The following PRDM16 variants were observed in gnomAD, a reference collection of about 807,000 sequenced individuals.
The protein encoded by PRDM16 is PR/SET domain 16.
A neutral mutation model predicts 110.6 loss-of-function variants in PRDM16; 23 were observed. The ratio of observed to expected loss-of-function variants is 0.21; its 90% CI spans 0.15 to 0.29. The LOEUF (loss-of-function observed/expected upper bound fraction) is 0.29. Among genes scored for constraint, PRDM16 ranks in the 10% least tolerant of loss-of-function variants. The probability of loss-of-function intolerance (pLI) is 1.00; values close to 1 mark genes in which losing one functional copy is unlikely to be tolerated. For missense variants in PRDM16, 1,615 were observed against 1,794.3 expected, an observed-to-expected ratio of 0.90 and a Z score of 1.81; for synonymous variants, 799 against 781.8, an observed-to-expected ratio of 1.02 and a Z score of -0.37.
chr1:3,352,354 G>A (rs1642511549), intron 3 of PRDM16, among the ~76,000 whole-genome samples: 1 of 152,160 alleles, frequency 6.6e-6, no homozygotes, highest in African/African-American at 2.4e-5. Context: ...GCTGGCTGCA[G>A]CTTTTAATTG....
intron 3 of PRDM16, among the ~76,000 whole-genome samples, chr1:3,364,814 G>A (rs1642781095): frequency 1.3e-5 from 2 of 152,214 alleles, no homozygotes; most frequent in South Asian, 2.1e-4. Flanking sequence ...CAGGTGCCCC[G>A]AGCAGGACAC....
At position 3,120,539 on chromosome 1, in the gene PRDM16, G is replaced by A. The variant is rs895854234; in HGVS notation, c.37+51243G>A. ...CCCCAGAGTGTCTGCCACCATCCCCGCAAAGCTGGAGAAAGAGAAACCCAG... is the reference window on the plus strand; with the variant it reads ...CCCCAGAGTGTCTGCCACCATCCCCACAAAGCTGGAGAAAGAGAAACCCAG... On this transcript the variant is annotated intron_variant, in intron 1 of 16. Transcript: ENST00000270722. 8.5e-5 allele frequency among the ~76,000 whole-genome samples: 13 copies of A among 152,244 alleles called. No individual in the cohort carries two copies. In the South Asian group the frequency reaches 2.5e-3, roughly 29 times the overall value.
chr1:3,256,459 G>A (rs529104404), intron 3 of PRDM16, among the ~76,000 whole-genome samples: 44 of 152,322 alleles, frequency 2.9e-4, no homozygotes, highest in Admixed American at 1.8e-3. Flanking sequence ...TCACACCAAC[G>A]TAGGTGTTCA....
At position 3,218,522 on chromosome 1, in the gene PRDM16, A is replaced by G. The variant is rs55983431; in HGVS notation, c.388-25565A>G. Among the ~76,000 whole-genome samples, 913 of 152,338 alleles carry G rather than the reference A, an allele frequency of 6.0e-3. 10 individuals are homozygous for G. Among genetic ancestry groups the G allele is most frequent in the African/African-American group, 0.021 (866 of 41,586 alleles). ...CGTGCACACAGATGTGCCCGCCCGC[A>G]CAGGTGGGCATCGGTGGGGCCTGTC... On this transcript the variant is annotated intron_variant, in intron 2 of 16. Coordinates refer to ENST00000270722, the MANE Select transcript of PRDM16 (RefSeq NM_022114.4).
chr1:3,404,734 C>T lies in PRDM16; in HGVS notation c.885-5C>T, dbSNP rs374596243. 33 of 1,613,086 alleles carry T rather than the reference C, an allele frequency of 2.0e-5. No individual in the cohort carries two copies. The African/African-American group carries it at 2.1e-4, about 10-fold the overall frequency. On this transcript the variant is annotated splice_region_variant and splice_polypyrimidine_tract_variant and intron_variant, in intron 6 of 16. Transcript: ENST00000270722. ...GCCCCGCAGTGAGCCTCGTCCTCTG[C>T]GCAGCCTGGAGCAGCACATGGTCAT...
At chr1:3,251,488 C>T (rs965707818) in intron 3 of PRDM16, among the ~76,000 whole-genome samples, 2 of 152,148 alleles carry the variant, frequency 1.3e-5, no homozygotes, top group Non-Finnish European at 2.9e-5. Context: ...GGGAACCCAG[C>T]GACCAGGGTA....
intron 4 of PRDM16, among the ~76,000 whole-genome samples, chr1:3,389,356 G>C (rs1045768351): frequency 1.3e-5 from 2 of 152,214 alleles, no homozygotes; most frequent in African/African-American, 4.8e-5. Context: ...CCAGCATCCT[G>C]TTCCTTCCCC....
intron 3 of PRDM16, chr1:3,307,004 C>A (rs1413066290): frequency 6.6e-6 from 1 of 152,248 alleles, no homozygotes; most frequent in Non-Finnish European, 1.5e-5. Flanking sequence ...TGGCCTGTGC[C>A]GCTACCTCAC....
At chr1:3,414,707 C>T (rs572685183) in intron 10 of PRDM16, 60 bp downstream of exon 10, 22 of 1,367,674 alleles carry the variant, frequency 1.6e-5, no homozygotes, top group Admixed American at 9.2e-5. Context: ...CCCCATCTCC[C>T]GGCTGTCGAG....
chr1:3,320,941 C>T (rs1570064602), intron 3 of PRDM16, among the ~76,000 whole-genome samples: 1 of 152,218 alleles, frequency 6.6e-6, no homozygotes, highest in East Asian at 1.9e-4. Flanking sequence ...TGATCCAGCC[C>T]CCAGCCAGGC....
chr1:3,073,119 C>T lies in PRDM16; in HGVS notation c.37+3823C>T, dbSNP rs893570623. On this transcript the variant is annotated intron_variant, in intron 1 of 16. Transcript: ENST00000270722. ...GCCCCTCCTGGCCCCGAGGCTTCCT[C>T]GGCTCCCAAGTCCTCCTGTAGGCAG... Among the ~76,000 whole-genome samples the T allele has an allele frequency of 2.0e-5, 3 of 152,208 alleles. No homozygotes were observed. In the East Asian group the frequency reaches 5.8e-4, roughly 29 times the overall value.
chr1:3,088,221 GA>G (rs1413912614), intron 1 of PRDM16, among the ~76,000 whole-genome samples: 2 of 152,106 alleles, frequency 1.3e-5, no homozygotes, highest in African/African-American at 4.8e-5. Context: ...CAGGACTCTG[GA>G]GTTGCAGTTG....
At chr1:3,215,550 C>T (rs1024659069) in intron 2 of PRDM16, among the ~76,000 whole-genome samples, 6 of 152,028 alleles carry the variant, frequency 3.9e-5, no homozygotes, top group African/African-American at 9.7e-5. Context: ...GAGCCAGCAA[C>T]CTGGCTGCAG....
chr1:3,145,745 A>G (rs1380436576), intron 1 of PRDM16, among the ~76,000 whole-genome samples: 1 of 152,342 alleles, frequency 6.6e-6, no homozygotes. Context: ...GCTATCAGCT[A>G]TGCAGACAGT....
chr1:3,319,099 A>G (rs1023991223), intron 3 of PRDM16, among the ~76,000 whole-genome samples: 1 of 152,176 alleles, frequency 6.6e-6, no homozygotes, highest in Non-Finnish European at 1.5e-5. Flanking sequence ...TTCAGAACCC[A>G]GGGAGCAAAA....
intron 3 of PRDM16, among the ~76,000 whole-genome samples, chr1:3,337,858 C>T (rs1642193158): frequency 1.3e-5 from 2 of 152,174 alleles, no homozygotes; most frequent in Admixed American, 6.5e-5. Context: ...GGAAAAGAAA[C>T]AAAAGTCACA....
chr1:3,297,024 T>C (rs1175866422), intron 3 of PRDM16, among the ~76,000 whole-genome samples: 1 of 152,202 alleles, frequency 6.6e-6, no homozygotes, highest in Non-Finnish European at 1.5e-5. Flanking sequence ...TATTGAATAC[T>C]GTACTGAAAG....
chr1:3,306,372 A>G lies in PRDM16; in HGVS notation c.438+62235A>G, dbSNP rs1011629165. ...AGGGTGCACATGTTAGAAATTTTCC[A>G]TATAAAAAAGCAAGGGGCTGAAAGG... On this transcript the variant is annotated intron_variant, in intron 3 of 16. Coordinates refer to ENST00000270722, the MANE Select transcript of PRDM16 (RefSeq NM_022114.4). 2.6e-5 allele frequency among the ~76,000 whole-genome samples: 4 copies of G among 152,220 alleles called. No individual in the cohort carries two copies. In the East Asian group the frequency reaches 7.7e-4, roughly 29 times the overall value.
intron 14 of PRDM16, among the ~76,000 whole-genome samples, chr1:3,429,209 G>A (rs962038550): frequency 2.0e-5 from 3 of 152,256 alleles, no homozygotes; most frequent in African/African-American, 2.4e-5. Context: ...AAGCGTCCAC[G>A]GCTGTTGCTT....
Sources: allele counts gnomAD v4.1 joint callset (sites outside exome capture counted in the v4.1 genomes callset), GRCh38; gene constraint gnomAD v4.1.1; transcripts MANE v1.5; gene names NCBI Gene and HGNC (gene_info 2026-07-23, HGNC 2026-07-21).